The following ELN variants were observed in gnomAD, a reference collection of about 807,000 sequenced individuals.
ELN encodes tropoelastin.
In ELN, 65 loss-of-function variants were observed where a neutral mutation model predicts 105.8. The ratio of observed to expected loss-of-function variants is 0.61; its 90% confidence interval spans 0.50 to 0.75. ELN has a LOEUF of 0.75. ELN is among the 30% of genes least tolerant of loss of function. The probability of loss-of-function intolerance (pLI) is 0.00; values close to 1 mark genes in which losing one functional copy is unlikely to be tolerated. For synonymous variants in ELN, 368 were observed against 389.2 expected (o/e 0.95, Z 0.64); for missense variants, 882 against 969.4 (o/e 0.91, Z 1.20).
At chr7:74,056,845 C>T in intron 21 of ELN, 132 bp downstream of exon 21, 2 of 1,167,552 alleles carry the variant, frequency 1.7e-6, no homozygotes, top group Non-Finnish European at 2.5e-6. Flanking sequence ...GCCCCTGCCC[C>T]ATCTTCCAAA....
intron 1 of ELN, among the ~76,000 whole-genome samples, chr7:74,033,524 C>G (rs981332464): frequency 6.6e-6 from 1 of 152,236 alleles, no homozygotes; most frequent in South Asian, 2.1e-4. Flanking sequence ...GCCACCACTC[C>G]GAGCCTTGAG....
At chr7:74,056,753 C>T (rs782321482) in intron 21 of ELN, 40 bp downstream of exon 21, 2 of 1,613,064 alleles carry the variant, frequency 1.2e-6, no homozygotes, top group East Asian at 2.2e-5. Context: ...GTCCTGCTCT[C>T]CCGCGGGGCT....
chr7:74,043,166 C>G lies in ELN; in HGVS notation c.425C>G (p.Pro142Arg). The G allele has an allele frequency of 6.3e-7, 1 of 1,591,828 alleles. No individual in the cohort carries two copies. ...GCCGGAGTGAAGCCTGGGAAAGTGC[C>G]GGGTCAGTGCGGAATCCCTGGGGCT... ...PGAGVKPGKV[P>R]GVGLPGVYPG... Residue 142 changes from proline to arginine, a missense_variant and splice_region_variant, in exon 8 of 33, where the codon CCG (proline) becomes CGG (arginine). Coordinates refer to ENST00000252034, the MANE Select transcript of ELN (RefSeq NM_000501.4).
In ELN at chr7:74,068,827, C is replaced by T. The variant is rs1189001951; in HGVS notation, c.*127C>T. On this transcript the variant is annotated 3_prime_UTR_variant, in exon 33 of 33. Coordinates refer to ENST00000252034, the MANE Select transcript of ELN (RefSeq NM_000501.4). ...CCACCCCAGGAGGGAACGGGCAGGC[C>T]GGGCGGCCTTGCAGATCCACAGGGC... is the stretch of plus-strand genomic sequence containing the variant. 52 of 1,254,320 alleles carry T rather than the reference C, an allele frequency of 4.1e-5. No homozygotes were observed. The highest frequency in any genetic ancestry group is 3.8e-4 in the Middle Eastern group (2 of 5,324). 77.7% of individuals were successfully genotyped at this position (1,254,320 alleles called of 1,614,324 possible). A position where few individuals can be genotyped will look rare whatever the true frequency, so the allele number is the denominator to read the frequency against.
At chr7:74,047,044 AC>A (rs1792735295) in intron 12 of ELN, among the ~76,000 whole-genome samples, 1 of 152,142 alleles carries the variant, frequency 6.6e-6, no homozygotes. Context: ...AGATCGCGCT[AC>A]TGCACTCCAG....
Position 74,043,925 on chromosome 7 carries a change from G to C in ELN, c.469+5G>C, listed in dbSNP as rs727503025. On this transcript the variant is annotated splice_donor_5th_base_variant and intron_variant, in intron 9 of 32. Transcript: ENST00000252034. ...ACCCAGGTGGCGTGCTCCCAGGTGA[G>C]AGCAAGGAGGGAAACAGGGACTCTA... 6.2e-7 allele frequency: 1 copy of C among 1,613,946 alleles called. No homozygotes were observed. The highest frequency in any genetic ancestry group is 1.1e-5 in the South Asian group (1 of 91,062).
At chr7:74,032,182 G>A (rs1167738230) in intron 1 of ELN, among the ~76,000 whole-genome samples, 2 of 152,302 alleles carry the variant, frequency 1.3e-5, no homozygotes, top group Admixed American at 6.5e-5. Context: ...AGATGCAAGA[G>A]ACAAGTTCCA....
At chr7:74,058,258 C>G (rs982239483) in intron 22 of ELN, among the ~76,000 whole-genome samples, 2 of 81,298 alleles carry the variant, frequency 2.5e-5, no homozygotes, top group Non-Finnish European at 4.6e-5. Flanking sequence ...CTTTCTTCTT[C>G]TTTCTCCTTC....
chr7:74,064,229 C>A (rs1404563837), intron 29 of ELN, among the ~76,000 whole-genome samples: 1 of 150,556 alleles, frequency 6.6e-6, no homozygotes, highest in Non-Finnish European at 1.5e-5. Context: ...TCCTGGCTAA[C>A]ACAGTGAAAC....
intron 1 of ELN, among the ~76,000 whole-genome samples, chr7:74,033,671 A>T (rs1007861916): frequency 6.6e-6 from 1 of 152,214 alleles, no homozygotes; most frequent in Non-Finnish European, 1.5e-5. Context: ...GCTGGGCTGC[A>T]GCTGAGGCTG....
chr7:74,038,471 T>C (rs1790464532), intron 4 of ELN, among the ~76,000 whole-genome samples: 1 of 152,202 alleles, frequency 6.6e-6, no homozygotes, highest in African/African-American at 2.4e-5. Context: ...AGTAAGAAGG[T>C]GTGGCCGGAT....
chr7:74,033,615 G>A (rs1041485791), intron 1 of ELN, among the ~76,000 whole-genome samples: 10 of 152,248 alleles, frequency 6.6e-5, no homozygotes, highest in Non-Finnish European at 1.2e-4. Flanking sequence ...GGGTGGCGCC[G>A]GGGTCTTGGC....
chr7:74,045,957 C>T (rs868969294), intron 10 of ELN: 1 of 569,976 alleles, frequency 1.8e-6, no homozygotes, highest in African/African-American at 1.9e-5. Context: ...ATCGCCAGAA[C>T]CTGGGAGGCA....
chr7:74,047,657 G>C lies in ELN; in HGVS notation c.644-18G>C. On this transcript the variant is annotated intron_variant, in intron 12 of 32. Coordinates refer to ENST00000252034, the MANE Select transcript of ELN (RefSeq NM_000501.4). Reference sequence around the variant, plus strand: ...AAGGCATGGGGCAGCCCCTGAGTTTGCTCTGTCCTCTCTCCAGGTGGCTAT... The same window carrying C: ...AAGGCATGGGGCAGCCCCTGAGTTTCCTCTGTCCTCTCTCCAGGTGGCTAT... 1 of 1,614,154 alleles carries C rather than the reference G, an allele frequency of 6.2e-7. No individual in the cohort carries two copies. Among genetic ancestry groups the C allele is most frequent in the Non-Finnish European group, 8.5e-7 (1 of 1,179,996 alleles).
At chr7:74,045,500 AG>A (rs1792255123) in intron 10 of ELN, among the ~76,000 whole-genome samples, 1 of 152,276 alleles carries the variant, frequency 6.6e-6, no homozygotes, top group African/African-American at 2.4e-5. Flanking sequence ...GTATTTTGGG[AG>A]GGTGAGCTGG....
At chr7:74,066,514 C>G (rs1797991384) in intron 31 of ELN, among the ~76,000 whole-genome samples, 1 of 152,078 alleles carries the variant, frequency 6.6e-6, no homozygotes. Context: ...TTGCAGTGAG[C>G]CAAGATCGCA....
Position 74,056,358 on chromosome 7 carries a change from G to A in ELN, c.1238G>A (p.Gly413Asp). 1 of 1,613,594 alleles carries A rather than the reference G, an allele frequency of 6.2e-7. No individual in the cohort carries two copies. Among genetic ancestry groups the A allele is most frequent in the Non-Finnish European group, 8.5e-7 (1 of 1,179,618 alleles). ...GFPGFGVGVG[G>D]IPGVAGVPGV... ...CCCGGCTTTGGTGTCGGAGTCGGAG[G>A]TATCCCTGGAGTCGCAGGTGTCCCT... Residue 413 changes from glycine (G) to aspartate (D), a missense_variant, in exon 20 of 33, where the codon GGT becomes GAT. Physicochemically the swap from Gly to Asp is moderately conservative, Grantham distance 94. Transcript: ENST00000252034.
At chr7:74,044,300 C>T (rs1377395110) in intron 9 of ELN, among the ~76,000 whole-genome samples, 3 of 152,032 alleles carry the variant, frequency 2.0e-5, no homozygotes, top group Admixed American at 2.0e-4. Flanking sequence ...CTAGTACCCC[C>T]CTCGCCTCCC....
rs1798552322 is a variant in ELN at position 74,068,846 on chromosome 7, A to G, written c.*146A>G. On this transcript the variant is annotated 3_prime_UTR_variant, in exon 33 of 33. Transcript: ENST00000252034. ...GCAGGCCGGGCGGCCTTGCAGATCC[A>G]CAGGGCAAGGAAACAAGAGGGGAGC... The G allele has an allele frequency of 8.2e-6, 8 of 979,098 alleles. No individual in the cohort carries two copies. The highest frequency in any genetic ancestry group is 1.3e-5 in the Non-Finnish European group (8 of 626,070). 60.7% of individuals were successfully genotyped at this position (979,098 alleles called of 1,614,324 possible).
Sources: gnomAD v4.1 joint callset for allele counts (sites outside exome capture counted in the v4.1 genomes callset) on GRCh38, gnomAD v4.1.1 for gene constraint, MANE v1.5 for transcripts, NCBI Gene and HGNC (gene_info 2026-07-23, HGNC 2026-07-21) for gene names.